Variants in PRELP observed in about 807,000 individuals in gnomAD.
PRELP encodes the protein prolargin.
PRELP carries 16 observed loss-of-function variants against 22.8 expected under a neutral mutation model. The ratio of observed to expected loss-of-function variants is 0.70; its 90% CI spans 0.47 to 1.06. The LOEUF is 1.06. PRELP is among the 50% of genes least tolerant of loss of function. The pLI, the probability that PRELP is intolerant of heterozygous loss-of-function variation, is 0.00. For missense variants in PRELP, 434 were observed against 485.2 expected, an observed-to-expected ratio of 0.89 and a Z score of 0.99; for synonymous variants, 233 against 211.4, an observed-to-expected ratio of 1.10 and a Z score of -0.89.
chr1:203,485,317 G>A (rs1661074766), intron 2 of PRELP, among the ~76,000 whole-genome samples: 1 of 152,140 alleles, frequency 6.6e-6, no homozygotes, highest in Non-Finnish European at 1.5e-5. Flanking sequence ...GTCTCTACCA[G>A]ATTGTGGAAG....
chr1:203,482,359 ACCT>A (rs1661015434), intron 1 of PRELP, among the ~76,000 whole-genome samples: 1 of 149,698 alleles, frequency 6.7e-6, no homozygotes, highest in South Asian at 2.1e-4. Context: ...GCTCACTGCA[ACCT>A]CCTCCTCCTG....
In PRELP at chr1:203,489,303, A is replaced by G. The variant is rs917977169; in HGVS notation, c.*2422A>G. ...ATCATCCCACTGCCCAATCTAGAAT[A>G]TGTCTGCTCTCCTTTGCTCTCTGCA... On this transcript the variant is annotated 3_prime_UTR_variant, in exon 3 of 3. Transcript: ENST00000343110. 6.6e-6 allele frequency: 1 copy of G among 152,426 alleles called. No individual in the cohort carries two copies. Among genetic ancestry groups the G allele is most frequent in the Admixed American group, 6.5e-5 (1 of 15,272 alleles). The allele number at this position is 152,426 out of a possible 1,614,324, so 9.4% of individuals were successfully genotyped here. A position where few individuals can be genotyped will look rare whatever the true frequency, so the allele number is the denominator to read the frequency against.
intron 1 of PRELP, among the ~76,000 whole-genome samples, chr1:203,477,293 C>G (rs757407274): frequency 7.2e-5 from 11 of 152,086 alleles, no homozygotes; most frequent in Admixed American, 5.2e-4. Context: ...TTTTTAAGCC[C>G]AAGACTCCGG....
chr1:203,477,423 C>A (rs892161481), intron 1 of PRELP, among the ~76,000 whole-genome samples: 16 of 152,138 alleles, frequency 1.1e-4, no homozygotes, highest in Non-Finnish European at 2.2e-4. Flanking sequence ...CTCTCTCCTC[C>A]TTGCAAGCAC....
intron 1 of PRELP, among the ~76,000 whole-genome samples, chr1:203,478,011 G>A (rs770483805): frequency 1.3e-5 from 2 of 152,320 alleles, no homozygotes; most frequent in African/African-American, 4.8e-5. Context: ...CCCTGCCTTC[G>A]AGCAGTGCAT....
At chr1:203,481,912 C>G (rs1375424551) in intron 1 of PRELP, among the ~76,000 whole-genome samples, 3 of 152,212 alleles carry the variant, frequency 2.0e-5, no homozygotes, top group African/African-American at 7.2e-5. Flanking sequence ...AAACGTGTCC[C>G]CTGCCCCTCA....
At position 203,487,028 on chromosome 1, in the gene PRELP, A is replaced by G; in HGVS notation, c.*147A>G. Reference sequence around the variant, plus strand: ...CCCTCGAGGCAGGGAAAAGCCATCTATTCTTCTGCAGCCTCAGGAGCGAGA... The same window carrying G: ...CCCTCGAGGCAGGGAAAAGCCATCTGTTCTTCTGCAGCCTCAGGAGCGAGA... On this transcript the variant is annotated 3_prime_UTR_variant, in exon 3 of 3. Coordinates refer to ENST00000343110, the MANE Select transcript of PRELP (RefSeq NM_002725.4). 5.3e-6 allele frequency: 5 copies of G among 941,730 alleles called. No homozygotes were observed. Among genetic ancestry groups the G allele is most frequent in the Non-Finnish European group, 7.6e-6 (5 of 656,140 alleles). 58.3% of individuals were successfully genotyped at this position (941,730 alleles called of 1,614,324 possible).
chr1:203,479,893 A>T (rs1387259006), intron 1 of PRELP, among the ~76,000 whole-genome samples: 1 of 152,016 alleles, frequency 6.6e-6, no homozygotes, highest in Non-Finnish European at 1.5e-5. Context: ...GGAGAGTCAG[A>T]GCCAGGAGTC....
chr1:203,479,468 T>G (rs572330742), intron 1 of PRELP, among the ~76,000 whole-genome samples: 14 of 152,120 alleles, frequency 9.2e-5, no homozygotes, highest in African/African-American at 3.4e-4. Context: ...TTTGGGAGAC[T>G]GAGGAGGACA....
Position 203,483,688 on chromosome 1 carries a change from C to T in PRELP, c.504C>T (p.Ala168=), listed in dbSNP as rs767927592. ...ACCAGTTGGAAGAGGTCCCCTCGGC[C>T]CTGCCCCGGAACCTGGAGCAGCTGA... is the stretch of plus-strand genomic sequence containing the variant. The part of the protein sequence containing the change: ...EKNQLEEVPS[A]LPRNLEQLRL... The change falls in exon 2 of 3, where the codon GCC becomes GCT. Residue 168 remains alanine, a synonymous_variant. Transcript: ENST00000343110. This position sits in a 1 kb window ranked among gnomAD's most constrained non-coding sequence, Gnocchi z 4.4. 4 of 1,614,234 alleles carry T rather than the reference C, an allele frequency of 2.5e-6. No homozygotes were observed. The highest frequency in any genetic ancestry group is 3.4e-6 in the Non-Finnish European group (4 of 1,180,038).
chr1:203,480,675 G>A (rs555404825), intron 1 of PRELP, among the ~76,000 whole-genome samples: 65 of 152,336 alleles, frequency 4.3e-4, no homozygotes, highest in South Asian at 3.5e-3. Context: ...ACTTGGAATG[G>A]TTCTGATTCA....
chr1:203,483,668 T>G lies in PRELP; in HGVS notation c.484T>G (p.Leu162Val). 6.2e-7 allele frequency: 1 copy of G among 1,614,074 alleles called. No individual in the cohort carries two copies. The change falls in exon 2 of 3, where the codon TTG becomes GTG. Residue 162 changes from leucine to valine, a missense_variant. By Grantham distance (32) the Leu-to-Val change is conservative (BLOSUM62 1). Transcript: ENST00000343110. The surrounding 1 kb of genome is among the most constrained non-coding windows in gnomAD (Gnocchi z 4.4). ...GTTCCTCTACATGGAGAAGAACCAG[T>G]TGGAAGAGGTCCCCTCGGCCCTGCC... ...LVFLYMEKNQLEEVPSALPRN... is the reference protein window; with the variant it reads ...LVFLYMEKNQVEEVPSALPRN...
At chr1:203,481,306 TTAAC>T (rs1660996736) in intron 1 of PRELP, among the ~76,000 whole-genome samples, 1 of 152,180 alleles carries the variant, frequency 6.6e-6, no homozygotes, top group Admixed American at 6.5e-5. Flanking sequence ...TACCAATGCT[TTAAC>T]TACCCCCTTA....
intron 1 of PRELP, among the ~76,000 whole-genome samples, chr1:203,478,851 G>A (rs1660953433): frequency 1.3e-5 from 2 of 152,004 alleles, no homozygotes; most frequent in African/African-American, 4.8e-5. Flanking sequence ...GCCCTAATGG[G>A]GGCCTTGAAA....
chr1:203,483,979 T>G lies in PRELP; in HGVS notation c.795T>G (p.Phe265Leu). The stretch of plus-strand genomic sequence containing the variant: ...TCCCTAACGGATACTTCAAGAGCTT[T>G]CCCAATCTTGCCTTCATTCGGCTTA... ...ETIPNGYFKS[F>L]PNLAFIRLNY... The change falls in exon 2 of 3, where the codon TTT becomes TTG. Residue 265 changes from phenylalanine to leucine, a missense_variant. Phe to Leu is a conservative substitution (Grantham distance 22, BLOSUM62 0). Transcript: ENST00000343110. This position sits in a 1 kb window ranked among gnomAD's most constrained non-coding sequence, Gnocchi z 4.4. The G allele has an allele frequency of 1.2e-6, 2 of 1,614,216 alleles. No individual in the cohort carries two copies. Among genetic ancestry groups the G allele is most frequent in the Non-Finnish European group, 1.7e-6 (2 of 1,180,050 alleles).
In PRELP at chr1:203,487,982, G is replaced by C. The variant is rs1263775498; in HGVS notation, c.*1101G>C. Reference sequence around the variant, plus strand: ...AACAGCTGGTCCCAGTCTTGCGCCTGGCCCTCTTCCTGGGGTGATTTTCCT... The same window carrying C: ...AACAGCTGGTCCCAGTCTTGCGCCTCGCCCTCTTCCTGGGGTGATTTTCCT... On this transcript the variant is annotated 3_prime_UTR_variant, in exon 3 of 3. Transcript: ENST00000343110. 1 of 152,304 alleles carries C rather than the reference G, an allele frequency of 6.6e-6. No homozygotes were observed. The highest frequency in any genetic ancestry group is 1.5e-5 in the Non-Finnish European group (1 of 68,120). The allele number at this position is 152,304 out of a possible 1,614,324, so 9.4% of individuals were successfully genotyped here. A position where few individuals can be genotyped will look rare whatever the true frequency, so the allele number is the denominator to read the frequency against.
At chr1:203,485,909 T>A (rs1661085243) in intron 2 of PRELP, among the ~76,000 whole-genome samples, 1 of 152,204 alleles carries the variant, frequency 6.6e-6, no homozygotes, top group Non-Finnish European at 1.5e-5. Flanking sequence ...AGTAGGCTCA[T>A]CATGTCCCGG....
At chr1:203,477,992 CA>C (rs1230303276) in intron 1 of PRELP, among the ~76,000 whole-genome samples, 1 of 152,224 alleles carries the variant, frequency 6.6e-6, no homozygotes, top group Admixed American at 6.5e-5. Context: ...GTACCCCACT[CA>C]CAAGGATCCC....
intron 1 of PRELP, among the ~76,000 whole-genome samples, chr1:203,477,273 T>G (rs562837457): frequency 1.3e-5 from 2 of 152,138 alleles, no homozygotes; most frequent in South Asian, 2.1e-4. Flanking sequence ...GAGAGAGAGC[T>G]TTGCTGTAAT....
Sources: allele counts gnomAD v4.1 joint callset (sites outside exome capture counted in the v4.1 genomes callset), GRCh38; gene constraint gnomAD v4.1.1; non-coding constraint Gnocchi (gnomAD v3.1); transcripts MANE v1.5; gene names NCBI Gene and HGNC (gene_info 2026-07-23, HGNC 2026-07-21).